The following CCSER1 variants were observed in gnomAD, a reference collection of about 807,000 sequenced individuals.
The protein encoded by CCSER1 is coiled-coil serine rich protein 1, also known as serine-rich coiled-coil domain-containing protein 1.
Under a neutral mutation model 82.0 loss-of-function variants are expected in CCSER1, and 41 were observed. That is an observed-to-expected ratio of 0.50 (90% CI 0.39 to 0.65). CCSER1 has a LOEUF of 0.65. Among genes scored for constraint, CCSER1 ranks in the 30% least tolerant of loss-of-function variants. CCSER1 has a pLI of 0.00. For synonymous variants in CCSER1, 414 were observed against 383.9 expected (o/e 1.08, Z -0.92); for missense variants, 1,119 against 1,064.2 (o/e 1.05, Z -0.72).
At chr4:91,082,654 C>T (rs1722902948) in intron 9 of CCSER1, among the ~76,000 whole-genome samples, 1 of 152,114 alleles carries the variant, frequency 6.6e-6, no homozygotes, top group African/African-American at 2.4e-5. Context: ...TTTTTACAAT[C>T]TACCCATCTG....
chr4:91,548,941 A>G (rs1239161403), intron 10 of CCSER1, among the ~76,000 whole-genome samples: 1 of 151,938 alleles, frequency 6.6e-6, no homozygotes, highest in Non-Finnish European at 1.5e-5. Context: ...TCCTTAAAAT[A>G]TTGCTTCTGT....
intron 3 of CCSER1, among the ~76,000 whole-genome samples, chr4:90,350,532 A>C (rs1020330214): frequency 1.3e-5 from 2 of 152,166 alleles, no homozygotes; most frequent in Admixed American, 6.5e-5. Context: ...TAAGGAGAGT[A>C]ATTTGAAAAA....
intron 5 of CCSER1, among the ~76,000 whole-genome samples, chr4:90,490,650 T>C (rs529758917): frequency 6.6e-6 from 1 of 152,238 alleles, no homozygotes; most frequent in Non-Finnish European, 1.5e-5. Context: ...ATTTTATGGT[T>C]TTATGTCTAA....
intron 8 of CCSER1, among the ~76,000 whole-genome samples, chr4:90,898,943 A>G (rs986218266): frequency 1.3e-5 from 2 of 151,464 alleles, no homozygotes; most frequent in Admixed American, 6.6e-5. Context: ...TTTTGGTTCC[A>G]TGTTATTTTT....
intron 1 of CCSER1, among the ~76,000 whole-genome samples, chr4:90,143,431 A>G (rs1302017333): frequency 2.0e-5 from 3 of 151,360 alleles, no homozygotes; most frequent in Non-Finnish European, 4.4e-5. Flanking sequence ...CTTCCTGAGA[A>G]CACAGTTCAT....
intron 1 of CCSER1, among the ~76,000 whole-genome samples, chr4:90,209,674 G>A (rs919217691): frequency 1.3e-5 from 2 of 151,684 alleles, no homozygotes; most frequent in Non-Finnish European, 2.9e-5. Flanking sequence ...TTGAATTTCA[G>A]TTTTCCTTTA....
At chr4:91,121,992 T>C (rs141754616) in intron 10 of CCSER1, among the ~76,000 whole-genome samples, 1 of 151,820 alleles carries the variant, frequency 6.6e-6, no homozygotes, top group Non-Finnish European at 1.5e-5. Flanking sequence ...GATTCTGACT[T>C]ATTTCAGAAT....
In CCSER1 at chr4:90,962,056, C is replaced by T. The variant is rs546353417; in HGVS notation, c.2172+38609C>T. On this transcript the variant is annotated intron_variant, in intron 9 of 10. Coordinates refer to ENST00000509176, the MANE Select transcript of CCSER1 (RefSeq NM_001145065.2). The stretch of plus-strand genomic sequence containing the variant: ...TTAATGAGAATTCCCATTTAATTCT[C>T]ATAACACTTTGAGAAAATATTTATC... 1.4e-4 allele frequency among the ~76,000 whole-genome samples: 22 copies of T among 152,166 alleles called. No homozygotes were observed. In the South Asian group the frequency reaches 4.6e-3, roughly 32 times the overall value.
chr4:90,853,396 G>A (rs574998969), intron 8 of CCSER1, among the ~76,000 whole-genome samples: 8 of 152,138 alleles, frequency 5.3e-5, no homozygotes, highest in South Asian at 4.1e-4. Flanking sequence ...CCTATAATTC[G>A]TTTTAGTGAT....
At chr4:91,041,573 G>A (rs1741958195) in intron 9 of CCSER1, among the ~76,000 whole-genome samples, 1 of 152,078 alleles carries the variant, frequency 6.6e-6, no homozygotes, top group South Asian at 2.1e-4. Flanking sequence ...CCCAGGTATG[G>A]ACAATGCCAT....
At chr4:91,013,915 C>T (rs1229163680) in intron 9 of CCSER1, among the ~76,000 whole-genome samples, 2 of 131,670 alleles carry the variant, frequency 1.5e-5, no homozygotes, top group African/African-American at 5.0e-5. Context: ...GCCACCGCTC[C>T]GGGCACACTT....
intron 7 of CCSER1, among the ~76,000 whole-genome samples, chr4:90,801,726 G>T (rs947573312): frequency 6.6e-6 from 1 of 151,940 alleles, no homozygotes; most frequent in African/African-American, 2.4e-5. Context: ...TTTGATCATG[G>T]ATATATTTTA....
intron 6 of CCSER1, chr4:90,649,571 C>T (rs1728336458): frequency 6.6e-6 from 1 of 152,200 alleles, no homozygotes; most frequent in Non-Finnish European, 1.5e-5. Context: ...AGAGCCATCA[C>T]CAAGAACTGA....
chr4:90,551,790 T>C (rs1387375908), intron 5 of CCSER1, among the ~76,000 whole-genome samples: 2 of 151,212 alleles, frequency 1.3e-5, no homozygotes, highest in Non-Finnish European at 2.9e-5. Flanking sequence ...GGACAGTCTT[T>C]GTCTATCTTA....
chr4:90,550,771 C>T (rs985705234), intron 5 of CCSER1, among the ~76,000 whole-genome samples: 9 of 151,408 alleles, frequency 5.9e-5, no homozygotes, highest in African/African-American at 2.2e-4. Flanking sequence ...TTTTATTTGT[C>T]AAGTATACTT....
intron 3 of CCSER1, among the ~76,000 whole-genome samples, chr4:90,380,170 G>C (rs7688033): frequency 6.6e-6 from 1 of 152,000 alleles, no homozygotes; most frequent in South Asian, 2.1e-4. Context: ...TCTTCTCAGG[G>C]TTATAATAAA....
At chr4:91,501,510 C>A (rs375911725) in intron 10 of CCSER1, among the ~76,000 whole-genome samples, 1 of 151,922 alleles carries the variant, frequency 6.6e-6, no homozygotes, top group East Asian at 1.9e-4. Context: ...CATTCATATT[C>A]TTTTAATTAT....
At chr4:90,867,787 A>C (rs1765930700) in intron 8 of CCSER1, among the ~76,000 whole-genome samples, 1 of 152,050 alleles carries the variant, frequency 6.6e-6, no homozygotes, top group Non-Finnish European at 1.5e-5. Flanking sequence ...AATGAATGAG[A>C]ACATGCAAAA....
chr4:91,435,783 A>G (rs907372882), intron 10 of CCSER1, among the ~76,000 whole-genome samples: 12 of 152,208 alleles, frequency 7.9e-5, no homozygotes, highest in Non-Finnish European at 4.4e-5. Context: ...GCATGCTTTC[A>G]TGTAAAACAA....
Sources: gnomAD v4.1 joint callset for allele counts (sites outside exome capture counted in the v4.1 genomes callset) on GRCh38, gnomAD v4.1.1 for gene constraint, MANE v1.5 for transcripts, NCBI Gene and HGNC (gene_info 2026-07-23, HGNC 2026-07-21) for gene names.